SBF2: variants seen among roughly 807,000 people sequenced by gnomAD.
SBF2 encodes SET binding factor 2.
A neutral mutation model predicts 225.2 loss-of-function variants in SBF2; 112 were observed. The ratio of observed to expected loss-of-function variants is 0.50; its 90% CI spans 0.43 to 0.58. The LOEUF (loss-of-function observed/expected upper bound fraction) is 0.58. Among genes scored for constraint, SBF2 ranks in the 20% least tolerant of loss-of-function variants. The probability of loss-of-function intolerance (pLI) is 0.00; values close to 1 mark genes in which losing one functional copy is unlikely to be tolerated. For missense variants in SBF2, 1,996 were observed against 2,206.2 expected (o/e 0.90, Z 1.91); for synonymous variants, 763 against 773.3 (o/e 0.99, Z 0.22).
intron 16 of SBF2, among the ~76,000 whole-genome samples, chr11:9,952,911 GA>G (rs1242029467): frequency 2.0e-5 from 3 of 152,092 alleles, no homozygotes; most frequent in Non-Finnish European, 4.4e-5. Flanking sequence ...GGTGAACAGG[GA>G]ACACTTCTAC....
chr11:10,159,982 T>G (rs951820512), intron 2 of SBF2, among the ~76,000 whole-genome samples: 1 of 152,110 alleles, frequency 6.6e-6, no homozygotes, highest in East Asian at 1.9e-4. Context: ...TGTGTGTGAA[T>G]TGCACTTTCT....
chr11:10,102,993 A>C (rs1222100225), intron 2 of SBF2, among the ~76,000 whole-genome samples: 1 of 152,204 alleles, frequency 6.6e-6, no homozygotes, highest in Non-Finnish European at 1.5e-5. Context: ...AGAGACAATG[A>C]AAGATTTTTG....
intron 16 of SBF2, among the ~76,000 whole-genome samples, chr11:9,946,956 A>T (rs567821025): frequency 6.6e-6 from 1 of 152,364 alleles, no homozygotes; most frequent in African/African-American, 2.4e-5. Flanking sequence ...AGTATTACTT[A>T]AGGAATTTCC....
At chr11:9,964,154 T>C (rs1203547771) in intron 14 of SBF2, among the ~76,000 whole-genome samples, 2 of 152,112 alleles carry the variant, frequency 1.3e-5, no homozygotes, top group Non-Finnish European at 2.9e-5. Flanking sequence ...GAGGCTGAGG[T>C]CGGAGGATCA....
rs1962545181 is a variant in SBF2, at chr11:10,272,268, C to T, written c.55+21747G>A. ...CTAGCCCCGGAGGACATGGCGGCGG[C>T]GCTGGGCTCCTAGGGGCTGCAGCAA... On this transcript the variant is annotated intron_variant, in intron 1 of 39. Transcript: ENST00000256190. 6.9e-6 allele frequency: 7 copies of T among 1,019,330 alleles called. 2 individuals are homozygous for T. The highest frequency in any genetic ancestry group is 6.7e-5 in the African/African-American group (3 of 44,906). 63.1% of individuals were successfully genotyped at this position (1,019,330 alleles called of 1,614,324 possible). A position where few individuals can be genotyped will look rare whatever the true frequency, so the allele number is the denominator to read the frequency against.
chr11:9,987,674 G>A (rs1409302246), intron 13 of SBF2, among the ~76,000 whole-genome samples: 2 of 151,746 alleles, frequency 1.3e-5, no homozygotes, highest in Admixed American at 1.3e-4. Context: ...TACAATAGCT[G>A]CAAAAAAGTT....
Position 10,133,215 on chromosome 11 carries a change from T to C in SBF2, c.141+60687A>G, listed in dbSNP as rs372917787. 9.5e-4 allele frequency among the ~76,000 whole-genome samples: 141 copies of C among 149,122 alleles called. 1 individual carries two copies. Among genetic ancestry groups the C allele is most frequent in the East Asian group, 3.5e-3 (16 of 4,550 alleles). ...GATATAAAGACTCTCCACATCCCCA[T>C]CAGACTCAGGAGCCCAGCTGGCTTC... On this transcript the variant is annotated intron_variant, in intron 2 of 39. Coordinates refer to ENST00000256190, the MANE Select transcript of SBF2 (RefSeq NM_030962.4).
chr11:10,155,697 G>T (rs531553390), intron 2 of SBF2, among the ~76,000 whole-genome samples: 2 of 152,164 alleles, frequency 1.3e-5, no homozygotes, highest in Non-Finnish European at 2.9e-5. Flanking sequence ...CTAAAATAAA[G>T]TAACATTTTA....
chr11:9,931,919 T>C (rs1864525671), intron 16 of SBF2, among the ~76,000 whole-genome samples: 1 of 151,842 alleles, frequency 6.6e-6, no homozygotes, highest in Admixed American at 6.6e-5. Flanking sequence ...GAACAAACAG[T>C]ATAGAGAAAA....
At chr11:9,899,912 G>GGAGA (rs1334064314) in intron 16 of SBF2, among the ~76,000 whole-genome samples, 1 of 152,062 alleles carries the variant, frequency 6.6e-6, no homozygotes, top group Non-Finnish European at 1.5e-5. Context: ...GGATGAGTGG[G>GGAGA]GAGAGCTCTT....
At chr11:10,238,285 G>C (rs7116590) in intron 1 of SBF2, among the ~76,000 whole-genome samples, 3 of 151,216 alleles carry the variant, frequency 2.0e-5, no homozygotes, top group Non-Finnish European at 4.4e-5. Flanking sequence ...GGCGCACACC[G>C]GCAATCCCAG....
In SBF2 at chr11:9,925,406, T is replaced by C. The variant is rs1451670072; in HGVS notation, c.1861-29395A>G. ...GATTTTCCTGCCTCAGCCTCCCAAG[T>C]AGCTGGGATTACAGGCATGCGCCAC... On this transcript the variant is annotated intron_variant, in intron 16 of 39. Coordinates refer to ENST00000256190, the MANE Select transcript of SBF2 (RefSeq NM_030962.4). Among the ~76,000 whole-genome samples the C allele has an allele frequency of 3.3e-5, 5 of 152,136 alleles. 1 individual carries two copies. Among genetic ancestry groups the C allele is most frequent in the Admixed American group, 2.6e-4 (4 of 15,266 alleles).
chr11:9,993,788 CT>C, intron 10 of SBF2, 132 bp downstream of exon 10: 1 of 894,374 alleles, frequency 1.1e-6, no homozygotes, highest in East Asian at 2.7e-5. Flanking sequence ...GGCAAGTATC[CT>C]AATTTCTAAT....
intron 2 of SBF2, among the ~76,000 whole-genome samples, chr11:10,088,241 T>C (rs1951653781): frequency 6.6e-6 from 1 of 152,006 alleles, no homozygotes; most frequent in South Asian, 2.1e-4. Flanking sequence ...CCCAGGCTGG[T>C]CTCAAACTCC....
intron 16 of SBF2, among the ~76,000 whole-genome samples, chr11:9,910,134 A>C (rs1202060264): frequency 6.6e-6 from 1 of 152,162 alleles, no homozygotes; most frequent in Non-Finnish European, 1.5e-5. Context: ...AATAAATTCA[A>C]CTATAGTCAC....
intron 14 of SBF2, among the ~76,000 whole-genome samples, chr11:9,967,417 T>TA (rs1257972858): frequency 1.3e-5 from 2 of 150,784 alleles, no homozygotes; most frequent in Admixed American, 1.3e-4. Context: ...TGCTACAACA[T>TA]AGACGTACAT....
intron 2 of SBF2, among the ~76,000 whole-genome samples, chr11:10,109,453 C>G (rs901683724): frequency 1.3e-5 from 2 of 152,156 alleles, no homozygotes; most frequent in Admixed American, 1.3e-4. Context: ...ATTTTTAGCT[C>G]GCATGCTTCT....
chr11:9,951,190 G>C (rs764691724), intron 16 of SBF2, among the ~76,000 whole-genome samples: 10 of 152,166 alleles, frequency 6.6e-5, no homozygotes, highest in Non-Finnish European at 1.3e-4. Flanking sequence ...TCCAAACAAA[G>C]GCAATAGATG....
chr11:9,866,152 A>T (rs940398608), intron 17 of SBF2, among the ~76,000 whole-genome samples: 4 of 152,188 alleles, frequency 2.6e-5, no homozygotes, highest in Admixed American at 6.6e-5. Flanking sequence ...ATTTCATGCA[A>T]ATATTTTGCA....
Sources: gnomAD v4.1 joint callset for allele counts (sites outside exome capture counted in the v4.1 genomes callset) on GRCh38, gnomAD v4.1.1 for gene constraint, MANE v1.5 for transcripts, NCBI Gene and HGNC (gene_info 2026-07-23, HGNC 2026-07-21) for gene names.